Variants in COPS4 observed in about 807,000 individuals in gnomAD.
The protein encoded by COPS4 is COP9 signalosome complex subunit 4.
Under a neutral mutation model 55.1 loss-of-function variants are expected in COPS4, and 8 were observed. That is an observed-to-expected ratio of 0.15 (90% CI 0.09 to 0.26). The LOEUF (loss-of-function observed/expected upper bound fraction) is 0.26, where lower values mean the gene tolerates loss of function less well. Ranked by LOEUF, COPS4 falls within the 10% of genes least tolerant of loss-of-function variation. The pLI is 1.00. For missense variants in COPS4, 248 were observed against 484.0 expected, an observed-to-expected ratio of 0.51 and a Z score of 4.58; for synonymous variants, 185 against 165.7, an observed-to-expected ratio of 1.12 and a Z score of -0.90.
chr4:83,045,594 C>G (rs1323141057), intron 1 of COPS4, 32 bp from the exon 2 acceptor site: 25 of 1,523,406 alleles, frequency 1.6e-5, no homozygotes, highest in Non-Finnish European at 2.2e-5. Context: ...ATAGTACCCT[C>G]AGAACATTAT....
chr4:83,058,136 G>A (rs7671570), intron 6 of COPS4, among the ~76,000 whole-genome samples: 5,933 of 151,344 alleles, frequency 0.039, 383 homozygotes, highest in African/African-American at 0.14. Flanking sequence ...TCTTCAATAC[G>A]TGTAACAAAT....
In COPS4 at chr4:83,072,427, G is replaced by A. The variant is rs183384847; in HGVS notation, c.1088-2870G>A. On this transcript the variant is annotated intron_variant, in intron 9 of 9. Coordinates refer to ENST00000264389, the MANE Select transcript of COPS4 (RefSeq NM_016129.3). ...GCCGAATTCTGTCAGGTTTTCTTCT[G>A]GAAGACAATACATAACATAAACACA... 4.6e-5 allele frequency among the ~76,000 whole-genome samples: 7 copies of A among 152,224 alleles called. No individual in the cohort carries two copies. The East Asian group carries it at 1.3e-3, about 29-fold the overall frequency.
At chr4:83,072,865 CTT>C in intron 9 of COPS4, among the ~76,000 whole-genome samples, 1 of 151,198 alleles carries the variant, frequency 6.6e-6, no homozygotes, top group African/African-American at 2.4e-5. Flanking sequence ...CTTCCCACTC[CTT>C]TTTTTTTGTT....
Position 83,045,608 on chromosome 4 carries a change from C to T in COPS4, c.75-18C>T. ...TATAGTACCCTCAGAACATTATTTT[C>T]ATTTGGTATTGTTGTAGGTATCGTC... On this transcript the variant is annotated intron_variant, in intron 1 of 9. Coordinates refer to ENST00000264389, the MANE Select transcript of COPS4 (RefSeq NM_016129.3). 3 of 1,583,334 alleles carry T rather than the reference C, an allele frequency of 1.9e-6. No homozygotes were observed. The highest frequency in any genetic ancestry group is 2.6e-6 in the Non-Finnish European group (3 of 1,152,752).
chr4:83,057,173 A>G, intron 5 of COPS4, 85 bp from the exon 6 acceptor site: 1 of 1,507,238 alleles, frequency 6.6e-7, no homozygotes, highest in Non-Finnish European at 9.0e-7. Flanking sequence ...CTTAAATATT[A>G]GAAATTGTTT....
chr4:83,043,550 TAAC>T (rs1221659162), intron 1 of COPS4, among the ~76,000 whole-genome samples: 3 of 86,648 alleles, frequency 3.5e-5, no homozygotes, highest in Admixed American at 2.3e-4. Context: ...AAAAAAACCA[TAAC>T]AACCACAAAA....
intron 1 of COPS4, among the ~76,000 whole-genome samples, chr4:83,044,930 A>G (rs1418205155): frequency 1.3e-5 from 2 of 152,268 alleles, no homozygotes. Flanking sequence ...AGAACAAAAC[A>G]CAAGAATTCC....
At chr4:83,058,131 A>T (rs1481463405) in intron 6 of COPS4, among the ~76,000 whole-genome samples, 2 of 151,656 alleles carry the variant, frequency 1.3e-5, no homozygotes, top group Non-Finnish European at 2.9e-5. Context: ...CCTTTTCTTC[A>T]ATACGTGTAA....
At chr4:83,039,847 G>C (rs1267391376) in intron 1 of COPS4, among the ~76,000 whole-genome samples, 1 of 152,142 alleles carries the variant, frequency 6.6e-6, no homozygotes, top group African/African-American at 2.4e-5. Context: ...ATGTTGCCCA[G>C]GCAGGTCTCG....
At chr4:83,056,832 A>G in intron 4 of COPS4, 94 bp from the exon 5 acceptor site, 1 of 1,075,928 alleles carries the variant, frequency 9.3e-7, no homozygotes, top group Non-Finnish European at 1.4e-6. Flanking sequence ...CGGTACCAGA[A>G]TATATATCAG....
At position 83,057,012 on chromosome 4, in the gene COPS4, C is replaced by T; in HGVS notation, c.497C>T (p.Ala166Val). 6.2e-7 allele frequency: 1 copy of T among 1,613,784 alleles called. No homozygotes were observed. The highest frequency in any genetic ancestry group is 8.5e-7 in the Non-Finnish European group (1 of 1,179,770). ...GATGATGATCCAGTCCAGGCAGAGG[C>T]TTACATAAATCGAGCATCGTTGCTT... ...LEDDDPVQAEAYINRASLLQN... is the reference protein window; with the variant it reads ...LEDDDPVQAEVYINRASLLQN... The change falls in exon 5 of 10, where the codon GCT (alanine) becomes GTT (valine). Residue 166 changes from alanine to valine, a missense_variant. Ala to Val is a moderately conservative substitution (Grantham distance 64). This residue lies in a region of COPS4 where 155 missense variants were observed against 326.6 expected (regional missense o/e 0.47). Transcript: ENST00000264389.
At chr4:83,038,718 T>C (rs566634920) in intron 1 of COPS4, among the ~76,000 whole-genome samples, 8 of 152,172 alleles carry the variant, frequency 5.3e-5, no homozygotes, top group Non-Finnish European at 1.0e-4. Flanking sequence ...CTCGGCTCAC[T>C]GCAACCTCTG....
chr4:83,035,384 G>T (rs1730392147), intron 1 of COPS4, 86 bp downstream of exon 1: 7 of 1,175,686 alleles, frequency 6.0e-6, no homozygotes, highest in Admixed American at 2.2e-5. Flanking sequence ...ACGGCTCTTG[G>T]GCGTGAAGCT....
rs1239992276 is a variant in COPS4 at position 83,035,274 on chromosome 4, G to T, written c.50G>T (p.Gly17Val). 1 of 1,568,852 alleles carries T rather than the reference G, an allele frequency of 6.4e-7. No individual in the cohort carries two copies. The highest frequency in any genetic ancestry group is 8.7e-7 in the Non-Finnish European group (1 of 1,151,102). Residue 17 changes from glycine to valine, a missense_variant, in exon 1 of 10, where the codon GGC becomes GTC. Gly to Val is a moderately radical substitution (Grantham distance 109, BLOSUM62 -3). Coordinates refer to ENST00000264389, the MANE Select transcript of COPS4 (RefSeq NM_016129.3). ...QDLAQLMNSSGSHKDLAGKYR... is the reference protein window; with the variant it reads ...QDLAQLMNSSVSHKDLAGKYR... ...TTGGCCCAGCTCATGAATTCGAGCGGCTCTCATAAAGATCTGGCTGGCAAG... is the reference window on the plus strand; with the variant it reads ...TTGGCCCAGCTCATGAATTCGAGCGTCTCTCATAAAGATCTGGCTGGCAAG...
chr4:83,070,554 C>T (rs1731399419), intron 9 of COPS4, among the ~76,000 whole-genome samples: 1 of 152,192 alleles, frequency 6.6e-6, no homozygotes, highest in Non-Finnish European at 1.5e-5. Flanking sequence ...CCTCCCACCT[C>T]AACCTCCAAA....
At chr4:83,070,796 C>T (rs1054311032) in intron 9 of COPS4, among the ~76,000 whole-genome samples, 1 of 152,054 alleles carries the variant, frequency 6.6e-6, no homozygotes, top group African/African-American at 2.4e-5. Flanking sequence ...AAGAAATAAA[C>T]AAATAGTTAA....
rs188930404 is a variant in COPS4 at position 83,044,265 on chromosome 4, G to A, written c.75-1361G>A. On this transcript the variant is annotated intron_variant, in intron 1 of 9. Coordinates refer to ENST00000264389, the MANE Select transcript of COPS4 (RefSeq NM_016129.3). ...TTCAAGACCAGCCTGGCCAACATGC[G>A]GAAACCCCATCTCTACCAAAAATAC... Among the ~76,000 whole-genome samples, 1,395 of 150,340 alleles carry A rather than the reference G, an allele frequency of 9.3e-3. 29 individuals carry two copies. The highest frequency in any genetic ancestry group is 0.032 in the South Asian group (152 of 4,748).
intron 4 of COPS4, among the ~76,000 whole-genome samples, chr4:83,051,178 C>T (rs1432229226): frequency 0.018 from 2 of 114 alleles, no homozygotes; most frequent in African/African-American, 0.083. Context: ...GCGGGAGGAT[C>T]GCTTGAGCCC....
chr4:83,057,736 C>T, intron 6 of COPS4, among the ~76,000 whole-genome samples: 1 of 151,766 alleles, frequency 6.6e-6, no homozygotes, highest in Non-Finnish European at 1.5e-5. Flanking sequence ...TCCTGGCTAA[C>T]AAGGTGAAAC....
Sources: allele counts gnomAD v4.1 joint callset (sites outside exome capture counted in the v4.1 genomes callset), GRCh38; gene constraint gnomAD v4.1.1; regional missense constraint gnomAD v4.1.1; transcripts MANE v1.5; gene names NCBI Gene and HGNC (gene_info 2026-07-23, HGNC 2026-07-21).